The following DOCK3 variants were observed in gnomAD, a reference collection of about 807,000 sequenced individuals.
DOCK3 encodes the protein dedicator of cytokinesis protein 3.
DOCK3 carries 60 observed loss-of-function variants against 265.6 expected under a neutral mutation model. The ratio of observed to expected loss-of-function variants is 0.23; its 90% CI spans 0.18 to 0.28. DOCK3 has a LOEUF of 0.28. Ranked by LOEUF, DOCK3 falls within the 10% of genes least tolerant of loss-of-function variation. The pLI, the probability that DOCK3 is intolerant of heterozygous loss-of-function variation, is 1.00. For synonymous variants in DOCK3, 881 were observed against 938.0 expected, an observed-to-expected ratio of 0.94 and a Z score of 1.11; for missense variants, 1,981 against 2,594.3, an observed-to-expected ratio of 0.76 and a Z score of 5.14.
chr3:51,068,560 A>AAAAAAAAAAG, intron 6 of DOCK3, among the ~76,000 whole-genome samples: 1 of 82,418 alleles, frequency 1.2e-5, no homozygotes, highest in Non-Finnish European at 2.2e-5. Flanking sequence ...AAAAAAAAAA[A>AAAAAAAAAAG]AAGAAGAAGA....
intron 5 of DOCK3, among the ~76,000 whole-genome samples, chr3:51,045,632 T>C (rs2080748327): frequency 6.6e-6 from 1 of 152,162 alleles, no homozygotes; most frequent in African/African-American, 2.4e-5. Flanking sequence ...GAGGTATGCC[T>C]GTATTTAGTA....
At chr3:50,768,299 C>T (rs1007372448) in intron 1 of DOCK3, among the ~76,000 whole-genome samples, 4 of 152,062 alleles carry the variant, frequency 2.6e-5, no homozygotes, top group African/African-American at 4.8e-5. Context: ...CCCATCAATA[C>T]CTAATCTATT....
intron 1 of DOCK3, among the ~76,000 whole-genome samples, chr3:50,698,788 G>A (rs949613749): frequency 6.6e-6 from 1 of 151,576 alleles, no homozygotes; most frequent in Non-Finnish European, 1.5e-5. Flanking sequence ...CTCTTTTTGT[G>A]TGCTTATTGG....
At chr3:50,978,248 T>C (rs907809952) in intron 5 of DOCK3, among the ~76,000 whole-genome samples, 6 of 149,940 alleles carry the variant, frequency 4.0e-5, no homozygotes, top group African/African-American at 7.3e-5. Flanking sequence ...AGTTTTTCTG[T>C]TCTGTTTTTT....
chr3:50,890,081 G>T lies in DOCK3; in HGVS notation c.218G>T (p.Gly73Val). Residue 73 changes from glycine (G) to valine (V), a missense_variant and splice_region_variant, in exon 4 of 53, where the codon GGG becomes GTG. By Grantham distance (109) the Gly-to-Val change is moderately radical. Around this residue, in one of 4 missense-constraint regions of DOCK3, gnomAD observed 456 missense variants for 539.0 expected, o/e 0.85. Transcript: ENST00000266037. ...AAAAAGGCAATTGTCAGTAATAGGG[G>T]GTGAGTAATTGGCCTTACTAAATTT... ...HLKKAIVSNR[G>V]QYETVVPLED... The T allele has an allele frequency of 7.0e-7, 1 of 1,430,136 alleles. No homozygotes were observed. Among genetic ancestry groups the T allele is most frequent in the Non-Finnish European group, 9.1e-7 (1 of 1,102,796 alleles). The allele number at this position is 1,430,136 out of a possible 1,614,324, so 88.6% of individuals were successfully genotyped here.
chr3:51,107,638 GA>G (rs1269616034), intron 9 of DOCK3, among the ~76,000 whole-genome samples: 1 of 151,768 alleles, frequency 6.6e-6, no homozygotes, highest in African/African-American at 2.4e-5. Flanking sequence ...CAAGAATAAA[GA>G]AAAAAAGAAT....
At chr3:50,902,900 T>C (rs935698457) in intron 4 of DOCK3, among the ~76,000 whole-genome samples, 8 of 152,210 alleles carry the variant, frequency 5.3e-5, no homozygotes, top group Non-Finnish European at 1.2e-4. Flanking sequence ...GTCTGGTTAG[T>C]GATATTTCTA....
At chr3:51,051,882 C>T (rs1413381488) in intron 5 of DOCK3, among the ~76,000 whole-genome samples, 1 of 151,930 alleles carries the variant, frequency 6.6e-6, no homozygotes, top group South Asian at 2.1e-4. Context: ...GGGAGAGGTG[C>T]CATACACTTT....
At chr3:51,170,588 C>T (rs932184511) in intron 12 of DOCK3, among the ~76,000 whole-genome samples, 3 of 151,898 alleles carry the variant, frequency 2.0e-5, no homozygotes, top group African/African-American at 7.3e-5. Flanking sequence ...TGTAATGTTT[C>T]CTCTTTCATT....
At chr3:51,052,366 A>G (rs1325760271) in intron 5 of DOCK3, among the ~76,000 whole-genome samples, 1 of 152,076 alleles carries the variant, frequency 6.6e-6, no homozygotes, top group African/African-American at 2.4e-5. Flanking sequence ...TTAGCTGGGC[A>G]TGGTGCACCT....
intron 38 of DOCK3, among the ~76,000 whole-genome samples, 161 bp from the exon 39 acceptor site, chr3:51,348,691 G>T (rs1319548402): frequency 6.6e-6 from 1 of 152,238 alleles, no homozygotes; most frequent in Non-Finnish European, 1.5e-5. Flanking sequence ...CCACACGGCT[G>T]TGTCATGCCC....
At chr3:51,377,908 AC>A (rs1290349845) in intron 51 of DOCK3, among the ~76,000 whole-genome samples, 1 of 152,200 alleles carries the variant, frequency 6.6e-6, no homozygotes, top group East Asian at 1.9e-4. Flanking sequence ...AGCCGCCCAG[AC>A]CCATTTCTAA....
chr3:50,734,809 T>TAGCC (rs1485420790), intron 1 of DOCK3, among the ~76,000 whole-genome samples: 2 of 152,050 alleles, frequency 1.3e-5, no homozygotes, highest in South Asian at 2.1e-4. Flanking sequence ...TTCACTGTGT[T>TAGCC]AGCCAGGATG....
chr3:50,907,142 G>T (rs907307366), intron 4 of DOCK3, among the ~76,000 whole-genome samples: 2 of 151,978 alleles, frequency 1.3e-5, no homozygotes. Flanking sequence ...AATTTCTGTT[G>T]TTTTACATTT....
In DOCK3 at chr3:51,141,853, A is replaced by G. The variant is rs975061282; in HGVS notation, c.747-4696A>G. ...TTGGGAAGACAATTGTCTTGACTCT[A>G]TGTTTTTGCCACTTTTTCACTTGTC... On this transcript the variant is annotated intron_variant, in intron 9 of 52. Coordinates refer to ENST00000266037, the MANE Select transcript of DOCK3 (RefSeq NM_004947.5). Among the ~76,000 whole-genome samples the G allele has an allele frequency of 4.0e-5, 6 of 151,676 alleles. No homozygotes were observed. The East Asian group carries it at 7.7e-4, about 20-fold the overall frequency.
chr3:50,708,934 G>GCCTTAGTC (rs1219264330), intron 1 of DOCK3, among the ~76,000 whole-genome samples: 3 of 152,206 alleles, frequency 2.0e-5, no homozygotes, highest in Non-Finnish European at 2.9e-5. Flanking sequence ...AAGGAAGTGA[G>GCCTTAGTC]CCTTAGTCGC....
chr3:50,810,427 T>C (rs1476533771), intron 2 of DOCK3, among the ~76,000 whole-genome samples: 8 of 152,078 alleles, frequency 5.3e-5, no homozygotes, highest in Non-Finnish European at 1.2e-4. Flanking sequence ...GATGGGCACC[T>C]GTAATCCCGG....
intron 5 of DOCK3, among the ~76,000 whole-genome samples, chr3:51,048,761 G>T (rs903187210): frequency 1.3e-5 from 2 of 151,960 alleles, no homozygotes; most frequent in African/African-American, 4.8e-5. Context: ...ACTATGGGAG[G>T]CTGAGGCAGG....
chr3:50,729,024 T>A (rs1310508630), intron 1 of DOCK3, among the ~76,000 whole-genome samples: 9 of 137,854 alleles, frequency 6.5e-5, no homozygotes, highest in Admixed American at 6.4e-4. Context: ...GTGCCTGGCC[T>A]GTTTTTCTTT....
Sources: gnomAD v4.1 joint callset for allele counts (sites outside exome capture counted in the v4.1 genomes callset) on GRCh38, gnomAD v4.1.1 for gene constraint, gnomAD v4.1.1 regional missense constraint, MANE v1.5 for transcripts, NCBI Gene and HGNC (gene_info 2026-07-23, HGNC 2026-07-21) for gene names.